The following XIRP2 variants were observed in gnomAD, a reference collection of about 807,000 sequenced individuals.
XIRP2 encodes the protein xin actin-binding repeat-containing protein 2.
XIRP2 carries 236 observed loss-of-function variants against 277.0 expected under a neutral mutation model. The ratio of observed to expected loss-of-function variants is 0.85; its 90% CI spans 0.77 to 0.95. The LOEUF is 0.95. Among genes scored for constraint, XIRP2 ranks in the 40% least tolerant of loss-of-function variants. The pLI is 0.00. For missense variants in XIRP2, 4,640 were observed against 4,157.5 expected, an observed-to-expected ratio of 1.12 and a Z score of -3.19; for synonymous variants, 1,490 against 1,416.5, an observed-to-expected ratio of 1.05 and a Z score of -1.17.
At chr2:167,066,076 G>A (rs968664269) in intron 2 of XIRP2, among the ~76,000 whole-genome samples, 1 of 151,932 alleles carries the variant, frequency 6.6e-6, no homozygotes, top group South Asian at 2.1e-4. Flanking sequence ...GTGTGTGTGT[G>A]TGTGTAGAAC....
chr2:167,122,481 C>A (rs1691083698), intron 2 of XIRP2, among the ~76,000 whole-genome samples: 1 of 152,106 alleles, frequency 6.6e-6, no homozygotes, highest in Admixed American at 6.6e-5. Context: ...GAAGCCCTAC[C>A]CATGGTGAAT....
chr2:167,241,811 G>A lies in XIRP2; in HGVS notation c.1077G>A (p.Lys359=). ...IDTPEDEEIP[K]VSTKLLKEQF... The stretch of plus-strand genomic sequence containing the variant: ...CACCTGAGGATGAAGAGATTCCAAA[G>A]GTTTCGACTAAGTTGTTAAAAGAGC... Residue 359 remains lysine (K), a synonymous_variant, in exon 8 of 11, where the codon AAG becomes AAA. Coordinates refer to ENST00000409195, the MANE Select transcript of XIRP2 (RefSeq NM_152381.6). 1 of 1,613,316 alleles carries A rather than the reference G, an allele frequency of 6.2e-7. No homozygotes were observed. The highest frequency in any genetic ancestry group is 8.5e-7 in the Non-Finnish European group (1 of 1,179,614).
At position 166,959,141 on chromosome 2, in the gene XIRP2, T is replaced by A. The variant is rs182440374; in HGVS notation, c.408+55251T>A. ...TGTATTTTTTAATGTATTCTTGTCC[T>A]GGTTGTACCCCTGTTTCTTTTCTTG... On this transcript the variant is annotated intron_variant, in intron 2 of 10. Transcript: ENST00000409195. Among the ~76,000 whole-genome samples, 440 of 151,956 alleles carry A rather than the reference T, an allele frequency of 2.9e-3. 3 individuals carry two copies. Among genetic ancestry groups the A allele is most frequent in the African/African-American group, 9.8e-3 (406 of 41,538 alleles).
In XIRP2 at chr2:167,243,801, T is replaced by G. The variant is rs775432599; in HGVS notation, c.2409T>G (p.Gly803=). 1 of 1,613,734 alleles carries G rather than the reference T, an allele frequency of 6.2e-7. No individual in the cohort carries two copies. The highest frequency in any genetic ancestry group is 1.3e-5 in the African/African-American group (1 of 74,820). ...RGISMEENVK[G]GVSKAKWLFE... is the part of the protein sequence containing the mutation. ...TATCCATGGAAGAAAATGTCAAAGG[T>G]GGGGTGAGTAAGGCAAAGTGGTTAT... is the stretch of plus-strand genomic sequence containing the variant. Residue 803 remains glycine (G), a synonymous_variant, in exon 9 of 11, where the codon GGT becomes GGG. Coordinates refer to ENST00000409195, the MANE Select transcript of XIRP2 (RefSeq NM_152381.6).
intron 2 of XIRP2, among the ~76,000 whole-genome samples, chr2:166,933,067 T>TAC (rs544132308): frequency 0.016 from 2,333 of 149,856 alleles, 43 homozygotes; most frequent in African/African-American, 0.047. Context: ...TTTGTTAATC[T>TAC]ACACACACAC....
intron 2 of XIRP2, among the ~76,000 whole-genome samples, chr2:167,114,736 A>G (rs1378031928): frequency 1.3e-5 from 2 of 151,930 alleles, no homozygotes; most frequent in African/African-American, 4.8e-5. Flanking sequence ...GAGAATGATG[A>G]TTTCCACTCT....
At chr2:167,109,871 T>C (rs1223216463) in intron 2 of XIRP2, among the ~76,000 whole-genome samples, 1 of 152,196 alleles carries the variant, frequency 6.6e-6, no homozygotes, top group Non-Finnish European at 1.5e-5. Context: ...CCATTCTTAC[T>C]GGTATGAGAT....
intron 2 of XIRP2, among the ~76,000 whole-genome samples, chr2:167,019,900 C>T (rs1242673022): frequency 6.6e-6 from 1 of 151,960 alleles, no homozygotes; most frequent in African/African-American, 2.4e-5. Flanking sequence ...TTTGTACTGC[C>T]AGTCTAAGTG....
rs562062538 is a variant in XIRP2 at position 167,232,428 on chromosome 2, C to A, written c.859-7427C>A. The stretch of plus-strand genomic sequence containing the variant: ...CTTTGAGTAACCCCCTAAATCTACA[C>A]CTTCTCTGGTGGAGAAAAAAAAATG... On this transcript the variant is annotated intron_variant, in intron 5 of 10. Coordinates refer to ENST00000409195, the MANE Select transcript of XIRP2 (RefSeq NM_152381.6). Among the ~76,000 whole-genome samples the A allele has an allele frequency of 2.0e-5, 3 of 149,138 alleles. No homozygotes were observed. In the South Asian group the frequency reaches 6.3e-4, roughly 32 times the overall value.
At chr2:166,903,369 C>G in intron 1 of XIRP2, 96 bp from the exon 2 acceptor site, 4 of 1,303,592 alleles carry the variant, frequency 3.1e-6, no homozygotes, top group South Asian at 1.5e-5. Flanking sequence ...TACTAAGACC[C>G]AAACCCCAAG....
At position 167,132,511 on chromosome 2, in the gene XIRP2, T is replaced by TACACACACACACAC. The variant is rs35636231; in HGVS notation, c.409-3373_409-3360dup. Among the ~76,000 whole-genome samples the TACACACACACACAC allele has an allele frequency of 4.6e-3, 677 of 146,322 alleles. 9 individuals are homozygous for TACACACACACACAC. The highest frequency in any genetic ancestry group is 0.036 in the East Asian group (175 of 4,910). ...TGATTATGTCATGTGTGCATGTGTA[T>TACACACACACACAC]ACACACACACACACACACACACACA... On this transcript the variant is annotated intron_variant, in intron 2 of 10. Coordinates refer to ENST00000409195, the MANE Select transcript of XIRP2 (RefSeq NM_152381.6).
At chr2:167,242,234 C>A (rs1468368781) in intron 8 of XIRP2, among the ~76,000 whole-genome samples, 1 of 152,140 alleles carries the variant, frequency 6.6e-6, no homozygotes, top group East Asian at 1.9e-4. Flanking sequence ...AAACAACCCT[C>A]AAAAGTACTT....
At chr2:167,031,825 A>G (rs138331654) in intron 2 of XIRP2, among the ~76,000 whole-genome samples, 1 of 151,970 alleles carries the variant, frequency 6.6e-6, no homozygotes, top group Non-Finnish European at 1.5e-5. Flanking sequence ...AATGGAAAAA[A>G]ATTCCATGCT....
rs139521379 is a variant in XIRP2 at position 167,107,900 on chromosome 2, G to A, written c.409-28009G>A. Among the ~76,000 whole-genome samples, 353 of 151,666 alleles carry A rather than the reference G, an allele frequency of 2.3e-3. 4 individuals are homozygous for A. The highest frequency in any genetic ancestry group is 7.9e-3 in the African/African-American group (327 of 41,522). Reference sequence around the variant, plus strand: ...TTTGGAATATTTAGATTATAAATGTGATTTCCTTAATAATTATGAAGTTAT... The same window carrying A: ...TTTGGAATATTTAGATTATAAATGTAATTTCCTTAATAATTATGAAGTTAT... On this transcript the variant is annotated intron_variant, in intron 2 of 10. Transcript: ENST00000409195.
chr2:166,952,555 A>T (rs145530332), intron 2 of XIRP2, among the ~76,000 whole-genome samples: 2 of 152,010 alleles, frequency 1.3e-5, no homozygotes, highest in Non-Finnish European at 2.9e-5. Context: ...GTAGGTTTTT[A>T]TCACCATGAA....
At chr2:166,934,078 T>C (rs1035070790) in intron 2 of XIRP2, among the ~76,000 whole-genome samples, 3 of 151,784 alleles carry the variant, frequency 2.0e-5, no homozygotes, top group Non-Finnish European at 4.4e-5. Context: ...ATTCAAGCCA[T>C]TGAGTAAGGG....
chr2:167,060,194 C>T (rs999393868), intron 2 of XIRP2, among the ~76,000 whole-genome samples: 1 of 141,108 alleles, frequency 7.1e-6, no homozygotes, highest in Admixed American at 6.9e-5. Context: ...AAAATGATAA[C>T]GGGGGAAAAA....
intron 5 of XIRP2, among the ~76,000 whole-genome samples, chr2:167,221,807 A>G (rs1368214694): frequency 6.6e-6 from 1 of 152,196 alleles, no homozygotes; most frequent in Non-Finnish European, 1.5e-5. Flanking sequence ...CCTGGCCAAA[A>G]AATATTTATT....
chr2:167,118,461 G>A (rs1447472775), intron 2 of XIRP2, among the ~76,000 whole-genome samples: 2 of 142,214 alleles, frequency 1.4e-5, no homozygotes, highest in African/African-American at 2.7e-5. Flanking sequence ...CAGCCTGGGC[G>A]ACACAGCAAG....
Sources: allele counts gnomAD v4.1 joint callset (sites outside exome capture counted in the v4.1 genomes callset), GRCh38; gene constraint gnomAD v4.1.1; transcripts MANE v1.5; gene names NCBI Gene and HGNC (gene_info 2026-07-23, HGNC 2026-07-21).